The following CCDC77 variants were observed in gnomAD, a reference collection of about 807,000 sequenced individuals.
CCDC77 encodes coiled-coil domain-containing protein 77.
Under a neutral mutation model 66.8 loss-of-function variants are expected in CCDC77, and 56 were observed. The ratio of observed to expected loss-of-function variants is 0.84; its 90% CI spans 0.68 to 1.05. The LOEUF (loss-of-function observed/expected upper bound fraction) is 1.05. Ranked by LOEUF, CCDC77 falls within the 50% of genes least tolerant of loss-of-function variation. CCDC77 has a pLI of 0.00. For missense variants in CCDC77, 570 were observed against 576.8 expected (o/e 0.99, Z 0.12); for synonymous variants, 196 against 195.2 (o/e 1.00, Z -0.03).
chr12:389,687 G>A (rs111458247), intron 1 of CCDC77, among the ~76,000 whole-genome samples: 10 of 147,454 alleles, frequency 6.8e-5, no homozygotes, highest in African/African-American at 2.5e-4. Flanking sequence ...TTTCCCTTTT[G>A]TGTATCAGTG....
chr12:429,462 A>AC (rs1945605339), intron 6 of CCDC77, among the ~76,000 whole-genome samples: 1 of 134,290 alleles, frequency 7.4e-6, no homozygotes, highest in South Asian at 2.5e-4. Flanking sequence ...GCCAAGAGCT[A>AC]CTTTTTTTTT....
chr12:406,765 G>A (rs1393721270), intron 2 of CCDC77, among the ~76,000 whole-genome samples: 1 of 152,194 alleles, frequency 6.6e-6, no homozygotes, highest in Non-Finnish European at 1.5e-5. Context: ...TGGCCAACAT[G>A]GTGAAACCCC....
chr12:417,184 AC>A (rs1225365713), intron 4 of CCDC77, among the ~76,000 whole-genome samples: 1 of 151,862 alleles, frequency 6.6e-6, no homozygotes, highest in East Asian at 1.9e-4. Flanking sequence ...GTGGAATCAT[AC>A]TGTAGTTTTT....
At chr12:406,987 G>A (rs1003087044) in intron 2 of CCDC77, among the ~76,000 whole-genome samples, 7 of 152,300 alleles carry the variant, frequency 4.6e-5, no homozygotes, top group Middle Eastern at 3.4e-3. Flanking sequence ...TTAAGAGACC[G>A]TTGTCGTCAT....
intron 9 of CCDC77, among the ~76,000 whole-genome samples, chr12:437,915 C>T (rs1945786328): frequency 6.7e-6 from 1 of 149,874 alleles, no homozygotes; most frequent in Admixed American, 6.7e-5. Flanking sequence ...GGCAGTTCTA[C>T]ATGGAGCACA....
rs199838529 is a variant in CCDC77, at chr12:438,331, C to G, written c.822-4C>G. On this transcript the variant is annotated splice_polypyrimidine_tract_variant and splice_region_variant and intron_variant, in intron 9 of 12. Coordinates refer to ENST00000239830, the MANE Select transcript of CCDC77 (RefSeq NM_032358.4). Reference sequence around the variant, plus strand: ...CATGTCTGCATTTATACTTTCTTTCCTAGTCTTCACCACACCCAAGAACTG... The same window carrying G: ...CATGTCTGCATTTATACTTTCTTTCGTAGTCTTCACCACACCCAAGAACTG... The G allele has an allele frequency of 2.5e-6, 4 of 1,603,884 alleles. No homozygotes were observed. The highest frequency in any genetic ancestry group is 1.7e-6 in the Non-Finnish European group (2 of 1,174,052).
chr12:418,388 A>G, intron 4 of CCDC77, 106 bp from the exon 5 acceptor site: 1 of 1,136,462 alleles, frequency 8.8e-7, no homozygotes, highest in Non-Finnish European at 1.3e-6. Flanking sequence ...TGGCAAAATT[A>G]TTTACTTTGG....
At chr12:427,986 A>G (rs1945566637) in intron 5 of CCDC77, among the ~76,000 whole-genome samples, 1 of 152,164 alleles carries the variant, frequency 6.6e-6, no homozygotes, top group Non-Finnish European at 1.5e-5. Context: ...GATATCCTGA[A>G]CTGAGCAAGG....
intron 10 of CCDC77, 145 bp downstream of exon 10, chr12:438,699 A>G: frequency 1.6e-6 from 1 of 608,876 alleles, no homozygotes; most frequent in Non-Finnish European, 2.9e-6. Flanking sequence ...TTCAAAGAGC[A>G]GCTGATCGTT....
In CCDC77 at chr12:440,670, G is replaced by T. The variant is rs140718277; in HGVS notation, c.1095G>T (p.Glu365Asp). The T allele has an allele frequency of 6.2e-7, 1 of 1,614,040 alleles. No individual in the cohort carries two copies. The highest frequency in any genetic ancestry group is 1.7e-5 in the Admixed American group (1 of 60,008). Residue 365 changes from glutamate to aspartate, a missense_variant, in exon 11 of 13, where the codon GAG (glutamate) becomes GAT (aspartate). Coordinates refer to ENST00000239830, the MANE Select transcript of CCDC77 (RefSeq NM_032358.4). ...AAAAGCTGTCCAATATGTACCAAGAGCAGTGCATTTCCTTAGAAGAAGAAC... is the reference window on the plus strand; with the variant it reads ...AAAAGCTGTCCAATATGTACCAAGATCAGTGCATTTCCTTAGAAGAAGAAC... ...QEKKLSNMYQ[E>D]QCISLEEELA...
At chr12:434,357 T>C (rs1343106983) in intron 9 of CCDC77, among the ~76,000 whole-genome samples, 5 of 150,604 alleles carry the variant, frequency 3.3e-5, no homozygotes, top group East Asian at 3.9e-4. Flanking sequence ...TTCTTTCTTT[T>C]TTTTTTTTTT....
chr12:424,957 G>T (rs893782737), intron 5 of CCDC77, among the ~76,000 whole-genome samples: 2 of 147,022 alleles, frequency 1.4e-5, no homozygotes, highest in Non-Finnish European at 3.0e-5. Context: ...TTGAGACAGG[G>T]TCTCCCTCTG....
At chr12:398,084 C>T (rs1397378788), upstream of CCDC77, among the ~76,000 whole-genome samples, 2 of 152,164 alleles carry the variant, frequency 1.3e-5, no homozygotes, top group Non-Finnish European at 2.9e-5. Context: ...GTGGCTGTGG[C>T]AATTTCTTAA....
rs143262848 is a variant in CCDC77, at chr12:437,838, C to G, written c.822-497C>G. ...TCCAACCTACGTGACAGAGCAAGACCCTGTCTTAAAAAAAAAAAAAAAAAA... is the reference window on the plus strand; with the variant it reads ...TCCAACCTACGTGACAGAGCAAGACGCTGTCTTAAAAAAAAAAAAAAAAAA... On this transcript the variant is annotated intron_variant, in intron 9 of 12. Coordinates refer to ENST00000239830, the MANE Select transcript of CCDC77 (RefSeq NM_032358.4). 9.0e-3 allele frequency among the ~76,000 whole-genome samples: 969 copies of G among 107,884 alleles called. 18 individuals are homozygous for G. The highest frequency in any genetic ancestry group is 0.034 in the African/African-American group (915 of 26,528). The allele number at this position is 107,884 out of a possible 152,430, so 70.8% of individuals were successfully genotyped here.
At chr12:417,223 G>T (rs190603822) in intron 4 of CCDC77, among the ~76,000 whole-genome samples, 12 of 151,936 alleles carry the variant, frequency 7.9e-5, no homozygotes, top group Non-Finnish European at 1.5e-4. Context: ...ATTTCACTTA[G>T]CATAATGTCC....
intron 4 of CCDC77, among the ~76,000 whole-genome samples, chr12:417,157 GA>G (rs1417068971): frequency 3.3e-5 from 5 of 151,798 alleles, no homozygotes; most frequent in African/African-American, 9.7e-5. Context: ...AATAGAGCAG[GA>G]TTTATTTAGA....
At chr12:395,510 G>A (rs191464720) in intron 1 of CCDC77, among the ~76,000 whole-genome samples, 4 of 152,086 alleles carry the variant, frequency 2.6e-5, no homozygotes, top group Non-Finnish European at 4.4e-5. Context: ...CATTTAGAGA[G>A]TCCGTATCTA....
At chr12:422,180 G>A (rs1236364329) in intron 5 of CCDC77, among the ~76,000 whole-genome samples, 1 of 136,978 alleles carries the variant, frequency 7.3e-6, no homozygotes, top group African/African-American at 2.8e-5. Flanking sequence ...GTGTGTGCTG[G>A]GAGTGAGAGG....
chr12:416,188 A>G (rs965728270), intron 4 of CCDC77, among the ~76,000 whole-genome samples: 1 of 150,150 alleles, frequency 6.7e-6, no homozygotes, highest in African/African-American at 2.5e-5. Flanking sequence ...CCATCCTCCC[A>G]CTTTAACCTC....
Sources: allele counts gnomAD v4.1 joint callset (sites outside exome capture counted in the v4.1 genomes callset), GRCh38; gene constraint gnomAD v4.1.1; transcripts MANE v1.5; gene names NCBI Gene and HGNC (gene_info 2026-07-23, HGNC 2026-07-21).